NUBPL: variants seen among roughly 807,000 people sequenced by gnomAD.
The protein encoded by NUBPL is NUBP iron-sulfur cluster assembly factor, mitochondrial, also known as iron-sulfur cluster transfer protein NUBPL.
NUBPL carries 31 observed loss-of-function variants against 45.7 expected under a neutral mutation model. The observed-to-expected ratio is 0.68, with a 90% CI of 0.51 to 0.92. The LOEUF is 0.92. Ranked by LOEUF, NUBPL falls within the 40% of genes least tolerant of loss-of-function variation. The pLI is 0.00. For synonymous variants in NUBPL, 144 were observed against 140.9 expected (o/e 1.02, Z -0.15); for missense variants, 401 against 398.7 (o/e 1.01, Z -0.05).
intron 10 of NUBPL, among the ~76,000 whole-genome samples, chr14:31,855,605 CT>C (rs2139017937): frequency 6.9e-6 from 1 of 144,100 alleles, no homozygotes; most frequent in East Asian, 2.0e-4. Flanking sequence ...CATTTAAAGC[CT>C]TATTCATGTT....
chr14:31,800,682 C>T (rs1036303511), intron 7 of NUBPL, among the ~76,000 whole-genome samples: 1 of 152,170 alleles, frequency 6.6e-6, no homozygotes, highest in Non-Finnish European at 1.5e-5. Flanking sequence ...AAAAGAACTT[C>T]TTACTTGTGT....
chr14:31,801,381 ATAAC>A (rs2039587118), intron 7 of NUBPL, among the ~76,000 whole-genome samples: 1 of 152,160 alleles, frequency 6.6e-6, no homozygotes, highest in Admixed American at 6.5e-5. Context: ...AGCAAGTGGA[ATAAC>A]TAACACAACA....
At chr14:31,808,966 C>A (rs2039745799) in intron 7 of NUBPL, among the ~76,000 whole-genome samples, 1 of 152,182 alleles carries the variant, frequency 6.6e-6, no homozygotes, top group African/African-American at 2.4e-5. Context: ...AGGGATGAAT[C>A]CAACTTGATC....
At chr14:31,806,869 G>A (rs945815240) in intron 7 of NUBPL, among the ~76,000 whole-genome samples, 2 of 152,210 alleles carry the variant, frequency 1.3e-5, no homozygotes, top group African/African-American at 4.8e-5. Context: ...AGAACATGCA[G>A]TGTTTGGTTT....
chr14:31,798,965 A>G (rs1332072860), intron 7 of NUBPL, among the ~76,000 whole-genome samples: 5 of 152,080 alleles, frequency 3.3e-5, no homozygotes, highest in Admixed American at 2.0e-4. Context: ...ATCTAAATGT[A>G]TAGTATTTTC....
intron 8 of NUBPL, among the ~76,000 whole-genome samples, chr14:31,839,324 A>G (rs2040332843): frequency 6.6e-6 from 1 of 152,204 alleles, no homozygotes; most frequent in Non-Finnish European, 1.5e-5. Context: ...TTTACAGTCA[A>G]TTGATTTTTG....
At chr14:31,610,648 C>G (rs933142084) in intron 4 of NUBPL, among the ~76,000 whole-genome samples, 1 of 149,768 alleles carries the variant, frequency 6.7e-6, no homozygotes, top group Non-Finnish European at 1.5e-5. Context: ...AACTGCAGGC[C>G]ACCTTCTCTG....
intron 6 of NUBPL, among the ~76,000 whole-genome samples, chr14:31,674,610 C>T (rs1403930216): frequency 1.3e-5 from 2 of 152,074 alleles, no homozygotes; most frequent in Non-Finnish European, 2.9e-5. Flanking sequence ...CTTGATTAAC[C>T]CACCCTCTGT....
chr14:31,852,610 G>A (rs1566599425), intron 10 of NUBPL, among the ~76,000 whole-genome samples: 1 of 152,184 alleles, frequency 6.6e-6, no homozygotes, highest in South Asian at 2.1e-4. Flanking sequence ...GGCGGAGGTT[G>A]CAGTAAGCCG....
chr14:31,725,910 A>G (rs2037913078), intron 6 of NUBPL, among the ~76,000 whole-genome samples: 1 of 151,726 alleles, frequency 6.6e-6, no homozygotes, highest in Non-Finnish European at 1.5e-5. Flanking sequence ...GGGTTTCATC[A>G]TGTTGGCCAG....
chr14:31,707,548 C>T (rs1321855776), intron 6 of NUBPL, among the ~76,000 whole-genome samples: 3 of 152,114 alleles, frequency 2.0e-5, no homozygotes, highest in Non-Finnish European at 2.9e-5. Flanking sequence ...CTGGCTATCT[C>T]GCTGTGTCCG....
intron 3 of NUBPL, among the ~76,000 whole-genome samples, chr14:31,573,550 A>G (rs1367532236): frequency 6.6e-6 from 1 of 152,122 alleles, no homozygotes; most frequent in Admixed American, 6.5e-5. Context: ...CTGTCTACCT[A>G]TCTATGTTTT....
chr14:31,798,763 G>T (rs2039520691), intron 7 of NUBPL, among the ~76,000 whole-genome samples: 2 of 113,582 alleles, frequency 1.8e-5, no homozygotes, highest in African/African-American at 6.8e-5. Context: ...CTGCACTCCA[G>T]CCTGGGTGAC....
intron 8 of NUBPL, among the ~76,000 whole-genome samples, chr14:31,840,277 A>G (rs2040347591): frequency 6.6e-6 from 1 of 152,158 alleles, no homozygotes; most frequent in Non-Finnish European, 1.5e-5. Flanking sequence ...TTTGGCCTTT[A>G]AAAAGAGAGA....
At chr14:31,634,647 C>T (rs1406061025) in intron 4 of NUBPL, among the ~76,000 whole-genome samples, 6 of 150,566 alleles carry the variant, frequency 4.0e-5, no homozygotes, top group Non-Finnish European at 6.0e-5. Flanking sequence ...AGTTCTAGAT[C>T]CCTGAGGAAT....
At chr14:31,854,241 A>G (rs1385480125) in intron 10 of NUBPL, among the ~76,000 whole-genome samples, 5 of 152,184 alleles carry the variant, frequency 3.3e-5, no homozygotes, top group Non-Finnish European at 5.9e-5. Flanking sequence ...GTAGGGTCCA[A>G]CTGTATTATC....
chr14:31,743,193 T>A (rs1386850232), intron 6 of NUBPL, among the ~76,000 whole-genome samples: 1 of 152,122 alleles, frequency 6.6e-6, no homozygotes, highest in African/African-American at 2.4e-5. Flanking sequence ...CCTCCACCGT[T>A]TAAATGTCTT....
intron 6 of NUBPL, among the ~76,000 whole-genome samples, chr14:31,784,664 G>C (rs1435403137): frequency 6.6e-6 from 1 of 152,082 alleles, no homozygotes; most frequent in Non-Finnish European, 1.5e-5. Context: ...GAGGTCATGG[G>C]TAGTCTCGGG....
At chr14:31,754,591 C>CTTTTTTT (rs59085679) in intron 6 of NUBPL, among the ~76,000 whole-genome samples, 15 of 103,688 alleles carry the variant, frequency 1.4e-4, no homozygotes, top group Non-Finnish European at 1.9e-4. Context: ...AGAGGGTTTT[C>CTTTTTTT]TTTTTTTTTT....
Sources: gnomAD v4.1 joint callset for allele counts (sites outside exome capture counted in the v4.1 genomes callset) on GRCh38, gnomAD v4.1.1 for gene constraint, MANE v1.5 for transcripts, NCBI Gene and HGNC (gene_info 2026-07-23, HGNC 2026-07-21) for gene names.